The following PKN2 variants were observed in gnomAD, a reference collection of about 807,000 sequenced individuals.
The protein encoded by PKN2 is protein kinase N2, also known as serine/threonine-protein kinase N2.
A neutral mutation model predicts 119.1 loss-of-function variants in PKN2; 38 were observed. The observed-to-expected ratio is 0.32, with a 90% CI of 0.25 to 0.42. The LOEUF is 0.42. Among genes scored for constraint, PKN2 ranks in the 10% least tolerant of loss-of-function variants. The probability of loss-of-function intolerance (pLI) is 1.00; values close to 1 mark genes in which losing one functional copy is unlikely to be tolerated. For missense variants in PKN2, 850 were observed against 1,165.1 expected, an observed-to-expected ratio of 0.73 and a Z score of 3.94; for synonymous variants, 390 against 384.9, an observed-to-expected ratio of 1.01 and a Z score of -0.15.
intron 1 of PKN2, among the ~76,000 whole-genome samples, chr1:88,713,806 G>A (rs757224183): frequency 6.6e-6 from 1 of 152,070 alleles, no homozygotes. Flanking sequence ...GTCTATTTTG[G>A]CTTTTGTTGC....
chr1:88,831,937 G>T (rs1310617712), intron 19 of PKN2, among the ~76,000 whole-genome samples: 1 of 151,952 alleles, frequency 6.6e-6, no homozygotes, highest in Non-Finnish European at 1.5e-5. Context: ...TAGCATAGTT[G>T]AAAGTTTCTC....
chr1:88,799,942 C>G (rs907053895), intron 8 of PKN2, among the ~76,000 whole-genome samples: 8 of 152,184 alleles, frequency 5.3e-5, no homozygotes, highest in African/African-American at 1.9e-4. Context: ...CATTGAAGAC[C>G]AATATCATCG....
chr1:88,692,457 G>A (rs988885176), intron 1 of PKN2, among the ~76,000 whole-genome samples: 1 of 152,120 alleles, frequency 6.6e-6, no homozygotes, highest in Non-Finnish European at 1.5e-5. Flanking sequence ...CAATATGGTT[G>A]CACCAATTTA....
chr1:88,771,464 A>G lies in PKN2; in HGVS notation c.666A>G (p.Leu222=). The G allele has an allele frequency of 6.2e-7, 1 of 1,608,000 alleles. No individual in the cohort carries two copies. Among genetic ancestry groups the G allele is most frequent in the Non-Finnish European group, 8.5e-7 (1 of 1,177,688 alleles). The change falls in exon 5 of 22, where the codon TTA becomes TTG. Residue 222 remains leucine (L), a synonymous_variant. Coordinates refer to ENST00000370521, the MANE Select transcript of PKN2 (RefSeq NM_006256.4). ...CTCTTGAACTTCGGATGGAAGAATT[A>G]AGGCATCATTTTAGGATAGAGTTTG... ...ISPLELRMEE[L]RHHFRIEFAV...
chr1:88,761,954 G>A lies in PKN2; in HGVS notation c.504+1578G>A, dbSNP rs532000287. On this transcript the variant is annotated intron_variant, in intron 3 of 21. Coordinates refer to ENST00000370521, the MANE Select transcript of PKN2 (RefSeq NM_006256.4). Reference sequence around the variant, plus strand: ...GTAAATACTTTGTTCCTGGAACTGCGATTTTAGCACATTATACTGAGCATT... The same window carrying A: ...GTAAATACTTTGTTCCTGGAACTGCAATTTTAGCACATTATACTGAGCATT... Among the ~76,000 whole-genome samples, 11 of 151,996 alleles carry A rather than the reference G, an allele frequency of 7.2e-5. No homozygotes were observed. In the East Asian group the frequency reaches 9.7e-4, roughly 13 times the overall value.
At chr1:88,750,277 C>T (rs1179481613) in intron 2 of PKN2, among the ~76,000 whole-genome samples, 1 of 152,122 alleles carries the variant, frequency 6.6e-6, no homozygotes, top group Non-Finnish European at 1.5e-5. Context: ...TCCTAATCTC[C>T]AACACAATCA....
intron 15 of PKN2, among the ~76,000 whole-genome samples, chr1:88,811,194 C>T (rs1487153154): frequency 6.6e-6 from 1 of 152,178 alleles, no homozygotes; most frequent in Non-Finnish European, 1.5e-5. Flanking sequence ...CCTCCTCACT[C>T]AGCTTCCTTT....
intron 3 of PKN2, among the ~76,000 whole-genome samples, chr1:88,765,301 A>G (rs529977845): frequency 6.0e-5 from 9 of 151,250 alleles, no homozygotes; most frequent in African/African-American, 2.2e-4. Flanking sequence ...AAAAAAAGAC[A>G]TGTCTCCTGT....
intron 19 of PKN2, among the ~76,000 whole-genome samples, chr1:88,830,983 G>A (rs182360436): frequency 1.3e-5 from 2 of 151,880 alleles, no homozygotes; most frequent in Admixed American, 6.6e-5. Context: ...TAAACTCACC[G>A]GATATATTAT....
chr1:88,690,335 T>C lies in PKN2; in HGVS notation c.48+5707T>C, dbSNP rs76388881. Among the ~76,000 whole-genome samples the C allele has an allele frequency of 1.2e-4, 19 of 152,352 alleles. No homozygotes were observed. In the East Asian group the frequency reaches 3.5e-3, roughly 28 times the overall value. ...AGTTTGTAAACATCACCTAAAATAA[T>C]GTTACTTTCATACCATAAATGGTAT... On this transcript the variant is annotated intron_variant, in intron 1 of 21. Transcript: ENST00000370521.
chr1:88,824,018 A>G lies in PKN2; in HGVS notation c.2343-292A>G, dbSNP rs1570687901. ...AGTGAGACTCTGTCTCAAAAAAAAAAAAAAAAAGGATTAAATTAGATTATC... is the reference window on the plus strand; with the variant it reads ...AGTGAGACTCTGTCTCAAAAAAAAAGAAAAAAAGGATTAAATTAGATTATC... On this transcript the variant is annotated intron_variant, in intron 17 of 21. Transcript: ENST00000370521. Among the ~76,000 whole-genome samples, 3 of 151,792 alleles carry G rather than the reference A, an allele frequency of 2.0e-5. No homozygotes were observed. The South Asian group carries it at 6.2e-4, about 32-fold the overall frequency.
intron 1 of PKN2, among the ~76,000 whole-genome samples, chr1:88,730,898 A>C (rs182457487): frequency 6.6e-6 from 1 of 152,364 alleles, no homozygotes; most frequent in African/African-American, 2.4e-5. Context: ...GAATTTATAC[A>C]TGGTCATTCT....
intron 16 of PKN2, among the ~76,000 whole-genome samples, chr1:88,820,226 AT>A: frequency 2.8e-5 from 3 of 108,452 alleles, no homozygotes; most frequent in Admixed American, 9.7e-5. Context: ...ATATATATAT[AT>A]ATATATAAAT....
At chr1:88,765,576 C>T (rs1257607882) in intron 3 of PKN2, among the ~76,000 whole-genome samples, 1 of 152,128 alleles carries the variant, frequency 6.6e-6, no homozygotes, top group South Asian at 2.1e-4. Context: ...GATACCACCA[C>T]GACAATCAAG....
chr1:88,731,163 CT>C (rs1353209803), intron 1 of PKN2, among the ~76,000 whole-genome samples: 1 of 151,870 alleles, frequency 6.6e-6, no homozygotes, highest in African/African-American at 2.4e-5. Context: ...TTTTTTAAAC[CT>C]TGTATGATAG....
At chr1:88,760,934 T>C (rs941127727) in intron 3 of PKN2, among the ~76,000 whole-genome samples, 1 of 152,172 alleles carries the variant, frequency 6.6e-6, no homozygotes, top group Non-Finnish European at 1.5e-5. Flanking sequence ...AAAAAGAAAT[T>C]ATCTAAAAGA....
At chr1:88,708,775 T>C (rs1340796491) in intron 1 of PKN2, among the ~76,000 whole-genome samples, 1 of 151,978 alleles carries the variant, frequency 6.6e-6, no homozygotes, top group Admixed American at 6.6e-5. Flanking sequence ...AAAACACTGA[T>C]TTTTAACATT....
chr1:88,714,942 G>A (rs139468292), intron 1 of PKN2, among the ~76,000 whole-genome samples: 2,963 of 152,190 alleles, frequency 0.019, 94 homozygotes, highest in African/African-American at 0.067. Context: ...TTTGAGATAC[G>A]TCCCATCAAT....
intron 8 of PKN2, among the ~76,000 whole-genome samples, chr1:88,792,317 C>T (rs965560404): frequency 1.3e-5 from 2 of 152,252 alleles, no homozygotes; most frequent in African/African-American, 4.8e-5. Context: ...GCAATAGAAT[C>T]GCTTGAACCT....
Sources: gnomAD v4.1 joint callset for allele counts (sites outside exome capture counted in the v4.1 genomes callset) on GRCh38, gnomAD v4.1.1 for gene constraint, MANE v1.5 for transcripts, NCBI Gene and HGNC (gene_info 2026-07-23, HGNC 2026-07-21) for gene names.